KIRREL1: variants seen among roughly 807,000 people sequenced by gnomAD.
The protein encoded by KIRREL1 is kin of IRRE-like protein 1.
In KIRREL1, 25 loss-of-function variants were observed where a neutral mutation model predicts 83.3. The ratio of observed to expected loss-of-function variants is 0.30; its 90% CI spans 0.22 to 0.42. KIRREL1 has a LOEUF of 0.42. Ranked by LOEUF, KIRREL1 falls within the 10% of genes least tolerant of loss-of-function variation. The probability of loss-of-function intolerance (pLI) is 1.00; values close to 1 mark genes in which losing one functional copy is unlikely to be tolerated. For missense variants in KIRREL1, 812 were observed against 1,032.3 expected (o/e 0.79, Z 2.92); for synonymous variants, 388 against 410.4 (o/e 0.95, Z 0.66).
chr1:158,013,198 T>A (rs1659734464), intron 1 of KIRREL1, among the ~76,000 whole-genome samples: 1 of 152,190 alleles, frequency 6.6e-6, no homozygotes, highest in Non-Finnish European at 1.5e-5. Context: ...GTTTATGTTG[T>A]TGAGGATGAA....
chr1:158,047,652 C>T (rs1660809527), intron 1 of KIRREL1, among the ~76,000 whole-genome samples: 1 of 152,044 alleles, frequency 6.6e-6, no homozygotes, highest in Non-Finnish European at 1.5e-5. Context: ...TTCTGTTGTC[C>T]CTGTTTTCTA....
intron 1 of KIRREL1, among the ~76,000 whole-genome samples, chr1:158,009,531 C>T (rs1323825729): frequency 6.6e-6 from 1 of 152,122 alleles, no homozygotes; most frequent in East Asian, 1.9e-4. Flanking sequence ...GCACATAAAG[C>T]AAGTTAGTTT....
chr1:158,093,197 G>C (rs1662251186), intron 11 of KIRREL1, 142 bp from the exon 12 acceptor site: 2 of 703,206 alleles, frequency 2.8e-6, no homozygotes, highest in East Asian at 2.5e-5. Flanking sequence ...ACCTAACACT[G>C]TCCCCAGGCT....
At chr1:158,089,895 T>A in intron 10 of KIRREL1, 77 bp downstream of exon 10, 1 of 1,300,352 alleles carries the variant, frequency 7.7e-7, no homozygotes, top group Non-Finnish European at 1.1e-6. Flanking sequence ...TCACTTCTGC[T>A]GGTTTTGCTC....
At chr1:158,045,714 G>T (rs527522452) in intron 1 of KIRREL1, among the ~76,000 whole-genome samples, 2 of 152,294 alleles carry the variant, frequency 1.3e-5, no homozygotes, top group Admixed American at 1.3e-4. Flanking sequence ...GCATGTGATT[G>T]AATTCAGTCT....
At chr1:158,008,187 GGA>G (rs2101631577) in intron 1 of KIRREL1, among the ~76,000 whole-genome samples, 1 of 152,224 alleles carries the variant, frequency 6.6e-6, no homozygotes, top group Non-Finnish European at 1.5e-5. Context: ...GGAGAGAAGG[GGA>G]GAGTGGGAAG....
chr1:158,078,015 G>A lies in KIRREL1; in HGVS notation c.227G>A (p.Gly76Asp). 6.2e-7 allele frequency: 1 copy of A among 1,614,182 alleles called. No individual in the cohort carries two copies. Among genetic ancestry groups the A allele is most frequent in the African/African-American group, 1.3e-5 (1 of 75,048 alleles). The change falls in exon 3 of 15, where the codon GGC becomes GAC. Residue 76 changes from glycine to aspartate, a missense_variant. Physicochemically the swap from Gly to Asp is moderately conservative, Grantham distance 94 (BLOSUM62 -1). Transcript: ENST00000359209. The stretch of plus-strand genomic sequence containing the variant: ...GCCTGGCCACGGTACCGGGTTGTGG[G>A]CTCCGCAGACGCTGGGCAGTACAAC... ...LKAWPRYRVV[G>D]SADAGQYNLE... is the part of the protein sequence containing the mutation.
At chr1:158,034,310 C>A (rs1044670719) in intron 1 of KIRREL1, among the ~76,000 whole-genome samples, 9 of 149,152 alleles carry the variant, frequency 6.0e-5, no homozygotes, top group Admixed American at 5.3e-4. Context: ...TGAAATTTTT[C>A]TTTATCCTTC....
At chr1:158,070,742 C>T (rs114381784) in intron 1 of KIRREL1, among the ~76,000 whole-genome samples, 1,921 of 152,176 alleles carry the variant, frequency 0.013, 37 homozygotes, top group African/African-American at 0.044. Flanking sequence ...GGACGGATGT[C>T]TGAGAGAGAG....
chr1:158,023,612 G>A (rs1180771851), intron 1 of KIRREL1, among the ~76,000 whole-genome samples: 1 of 152,172 alleles, frequency 6.6e-6, no homozygotes, highest in Admixed American at 6.5e-5. Flanking sequence ...AGCACAAGTA[G>A]GGGGACCGGG....
chr1:158,009,050 T>C lies in KIRREL1; in HGVS notation c.52+15322T>C, dbSNP rs1248658110. 5.3e-5 allele frequency among the ~76,000 whole-genome samples: 8 copies of C among 152,156 alleles called. 1 individual carries two copies. Among genetic ancestry groups the C allele is most frequent in the Admixed American group, 2.0e-4 (3 of 15,284 alleles). On this transcript the variant is annotated intron_variant, in intron 1 of 14. Transcript: ENST00000359209. ...ACAGAAAGGACACCCGTCCAGATGA[T>C]GAATTGAGAGGCCCAAGAGACAGAA...
At position 158,089,519 on chromosome 1, in the gene KIRREL1, C is replaced by A. The variant is rs758430194; in HGVS notation, c.1062C>A (p.Asn354Lys). ...CTGCCCAGGTCCTGAGTAACAGCAA[C>A]CAGCTGCTGCTGAAGTCGGTGACTC... ...KDSNMVLSNS[N>K]QLLLKSVTQA... Residue 354 changes from asparagine to lysine, a missense_variant, in exon 9 of 15, where the codon AAC becomes AAA. Asn to Lys is a moderately conservative substitution (Grantham distance 94). Around this residue, in one of 3 missense-constraint regions of KIRREL1, gnomAD observed 472 missense variants for 626.8 expected, o/e 0.75. Coordinates refer to ENST00000359209, the MANE Select transcript of KIRREL1 (RefSeq NM_018240.7). 1 of 1,614,218 alleles carries A rather than the reference C, an allele frequency of 6.2e-7. No individual in the cohort carries two copies. Among genetic ancestry groups the A allele is most frequent in the Non-Finnish European group, 8.5e-7 (1 of 1,180,034 alleles).
chr1:158,018,168 G>C (rs955889908), intron 1 of KIRREL1, among the ~76,000 whole-genome samples: 3 of 152,094 alleles, frequency 2.0e-5, no homozygotes, highest in Non-Finnish European at 4.4e-5. Flanking sequence ...GAATTGGGGG[G>C]GTGGGAAGCA....
At chr1:158,019,034 C>G (rs1659922801) in intron 1 of KIRREL1, among the ~76,000 whole-genome samples, 1 of 152,138 alleles carries the variant, frequency 6.6e-6, no homozygotes, top group Non-Finnish European at 1.5e-5. Flanking sequence ...TGGCTTGAAC[C>G]AAGTAAATAG....
In KIRREL1 at chr1:158,042,801, C is replaced by T. The variant is rs377235902; in HGVS notation, c.53-33312C>T. 4.6e-5 allele frequency among the ~76,000 whole-genome samples: 7 copies of T among 151,046 alleles called. No individual in the cohort carries two copies. The South Asian group carries it at 1.0e-3, about 23-fold the overall frequency. On this transcript the variant is annotated intron_variant, in intron 1 of 14. Transcript: ENST00000359209. The stretch of plus-strand genomic sequence containing the variant: ...ATAAATTAGCTTTGCCGGCTGGGCA[C>T]GGTGGCTCACTCCTGTAATCCAAGC...
rs1662267970 is a variant in KIRREL1, at chr1:158,093,699, T to G, written c.1656T>G (p.Ser552=). 2 of 1,614,162 alleles carry G rather than the reference T, an allele frequency of 1.2e-6. No homozygotes were observed. Among genetic ancestry groups the G allele is most frequent in the Non-Finnish European group, 8.5e-7 (1 of 1,180,032 alleles). ...ACCGAGAGCCACTTACGATGCATTCTGACCGGGAGGATGACACCGCCAGCG... is the reference window on the plus strand; with the variant it reads ...ACCGAGAGCCACTTACGATGCATTCGGACCGGGAGGATGACACCGCCAGCG... The part of the protein sequence containing the change: ...TVNREPLTMH[S]DREDDTASVS... The change falls in exon 13 of 15, where the codon TCT becomes TCG. Residue 552 remains serine, a synonymous_variant. Transcript: ENST00000359209.
chr1:157,994,538 A>T (rs1021371744), intron 1 of KIRREL1, among the ~76,000 whole-genome samples: 1 of 150,772 alleles, frequency 6.6e-6, no homozygotes, highest in Non-Finnish European at 1.5e-5. Flanking sequence ...AGAGATGAGG[A>T]TGTCAGTGTA....
chr1:158,034,186 C>T (rs1200164382), intron 1 of KIRREL1, among the ~76,000 whole-genome samples: 1 of 143,442 alleles, frequency 7.0e-6, no homozygotes, highest in Non-Finnish European at 1.5e-5. Flanking sequence ...GGGAGAATGG[C>T]GTGAATCCAG....
intron 1 of KIRREL1, among the ~76,000 whole-genome samples, chr1:158,010,342 CA>C (rs1659639468): frequency 2.0e-5 from 3 of 147,848 alleles, no homozygotes; most frequent in South Asian, 2.1e-4. Flanking sequence ...CACACACACA[CA>C]CACACACACA....
Sources: gnomAD v4.1 joint callset for allele counts (sites outside exome capture counted in the v4.1 genomes callset) on GRCh38, gnomAD v4.1.1 for gene constraint, gnomAD v4.1.1 regional missense constraint, MANE v1.5 for transcripts, NCBI Gene and HGNC (gene_info 2026-07-23, HGNC 2026-07-21) for gene names.